Variants in MSI2 observed in about 807,000 individuals in gnomAD.
The protein encoded by MSI2 is musashi RNA binding protein 2, also known as RNA-binding protein Musashi homolog 2.
Under a neutral mutation model 45.6 loss-of-function variants are expected in MSI2, and 17 were observed. The observed-to-expected ratio is 0.37, with a 90% CI of 0.26 to 0.56. The LOEUF (loss-of-function observed/expected upper bound fraction) is 0.56. Among genes scored for constraint, MSI2 ranks in the 20% least tolerant of loss-of-function variants. MSI2 has a pLI of 0.77. For synonymous variants in MSI2, 156 were observed against 158.2 expected, an observed-to-expected ratio of 0.99 and a Z score of 0.11; for missense variants, 293 against 444.2, an observed-to-expected ratio of 0.66 and a Z score of 3.06.
At chr17:57,434,695 A>G (rs2084659912) in intron 6 of MSI2, among the ~76,000 whole-genome samples, 1 of 152,116 alleles carries the variant, frequency 6.6e-6, no homozygotes, top group Non-Finnish European at 1.5e-5. Context: ...ACTTAGGATA[A>G]TGTCCTCTAG....
intron 7 of MSI2, among the ~76,000 whole-genome samples, chr17:57,542,132 G>GA (rs2144130487): frequency 6.6e-6 from 1 of 152,198 alleles, no homozygotes; most frequent in East Asian, 1.9e-4. Context: ...TCTCTCACCA[G>GA]CCCTGGGCTC....
intron 6 of MSI2, among the ~76,000 whole-genome samples, chr17:57,422,661 C>T (rs527969243): frequency 1.1e-4 from 16 of 152,344 alleles, no homozygotes; most frequent in African/African-American, 2.4e-4. Flanking sequence ...TCATTGTCAC[C>T]GCTAACCCTG....
At chr17:57,310,111 C>G (rs1401393202) in intron 5 of MSI2, among the ~76,000 whole-genome samples, 2 of 152,216 alleles carry the variant, frequency 1.3e-5, no homozygotes, top group Non-Finnish European at 2.9e-5. Context: ...ACTGTATTCT[C>G]CCTCTTTCCG....
chr17:57,484,854 C>T (rs955559897), intron 6 of MSI2, among the ~76,000 whole-genome samples: 4 of 152,216 alleles, frequency 2.6e-5, no homozygotes, highest in Non-Finnish European at 4.4e-5. Flanking sequence ...TACCTGTGCT[C>T]GAAGACCCAA....
chr17:57,513,106 C>T lies in MSI2; in HGVS notation c.406-16570C>T, dbSNP rs539457670. ...CTCCTACCTAAGCCTCCTGAGTAGC[C>T]GGAATTACAGGTGCCCGCCACCACT... On this transcript the variant is annotated intron_variant, in intron 6 of 13. Transcript: ENST00000284073. Among the ~76,000 whole-genome samples the T allele has an allele frequency of 4.6e-5, 7 of 151,454 alleles. No homozygotes were observed. The East Asian group carries it at 7.8e-4, about 17-fold the overall frequency.
At chr17:57,635,126 C>T (rs1449074872) in intron 10 of MSI2, among the ~76,000 whole-genome samples, 1 of 152,238 alleles carries the variant, frequency 6.6e-6, no homozygotes. Flanking sequence ...AGAGAGGAAA[C>T]ATTGCAGGTC....
rs1200777894 is a variant in MSI2, at chr17:57,563,781, CACAT to C, written c.455-33085_455-33082del. On this transcript the variant is annotated intron_variant, in intron 7 of 13. Transcript: ENST00000284073. ...ACACACACACACACACACACACACA[CACAT>C]AGGCCTCTGTACAGATGGACCCTGC... Among the ~76,000 whole-genome samples, 815 of 148,510 alleles carry C rather than the reference CACAT, an allele frequency of 5.5e-3. 10 individuals are homozygous for C. Among genetic ancestry groups the C allele is most frequent in the African/African-American group, 0.019 (724 of 38,608 alleles).
intron 6 of MSI2, among the ~76,000 whole-genome samples, chr17:57,470,085 A>G (rs1042939306): frequency 1.3e-5 from 2 of 152,082 alleles, no homozygotes; most frequent in Admixed American, 1.3e-4. Flanking sequence ...CCCCACCCCA[A>G]GGCTGACTGC....
intron 7 of MSI2, among the ~76,000 whole-genome samples, chr17:57,533,641 AG>A (rs1227191749): frequency 1.3e-5 from 2 of 152,178 alleles, no homozygotes; most frequent in Admixed American, 6.5e-5. Context: ...AAGCAACTCT[AG>A]GAAGGGATTA....
chr17:57,698,080 C>T, the MSI2 span, among the ~76,000 whole-genome samples: 175 of 152,284 alleles, frequency 1.1e-3, 1 homozygote, highest in Non-Finnish European at 2.1e-3. Context: ...GACACCCTCT[C>T]AGCAGGATTC....
intron 6 of MSI2, among the ~76,000 whole-genome samples, chr17:57,502,636 T>TATATATATATATAGAGAGAG: frequency 9.3e-5 from 9 of 96,900 alleles, no homozygotes; most frequent in Non-Finnish European, 1.9e-4. Flanking sequence ...TATATATATA[T>TATATATATATATAGAGAGAG]AGTCATCATT....
intron 11 of MSI2, among the ~76,000 whole-genome samples, chr17:57,653,502 G>A (rs958857795): frequency 6.6e-6 from 1 of 152,162 alleles, no homozygotes; most frequent in Non-Finnish European, 1.5e-5. Context: ...CGGGCCCCGG[G>A]GGCGGGGTGC....
chr17:57,623,169 C>T (rs914941286), intron 9 of MSI2, among the ~76,000 whole-genome samples: 2 of 152,188 alleles, frequency 1.3e-5, no homozygotes, highest in Admixed American at 6.5e-5. Flanking sequence ...ACTCTTGGCA[C>T]TTGGTGTTTA....
At chr17:57,677,117 C>T in intron 13 of MSI2, 58 bp downstream of exon 13, 1 of 1,197,290 alleles carries the variant, frequency 8.4e-7, no homozygotes, top group Non-Finnish European at 1.3e-6. Flanking sequence ...CATGTATGTC[C>T]ACAGGTCATA....
intron 5 of MSI2, among the ~76,000 whole-genome samples, chr17:57,345,002 G>T (rs1294320893): frequency 6.6e-6 from 1 of 152,154 alleles, no homozygotes; most frequent in African/African-American, 2.4e-5. Context: ...GGTGGAGCTT[G>T]CAGTGAGCCG....
chr17:57,401,603 A>G, intron 6 of MSI2, 132 bp downstream of exon 6: 2 of 674,822 alleles, frequency 3.0e-6, no homozygotes, highest in Non-Finnish European at 5.2e-6. Flanking sequence ...GGCCATCATG[A>G]TTTAAGTGAA....
chr17:57,693,950 T>C, the MSI2 span, among the ~76,000 whole-genome samples: 3 of 152,230 alleles, frequency 2.0e-5, no homozygotes, highest in African/African-American at 7.2e-5. Context: ...ATGTGTCAAA[T>C]GGATATCAAA....
At chr17:57,378,706 T>C (rs945957462) in intron 5 of MSI2, among the ~76,000 whole-genome samples, 2 of 152,194 alleles carry the variant, frequency 1.3e-5, no homozygotes, top group African/African-American at 2.4e-5. Context: ...CCATTTCTTG[T>C]TTATCTTCTT....
chr17:57,470,515 C>T (rs144245256), intron 6 of MSI2, among the ~76,000 whole-genome samples: 468 of 152,290 alleles, frequency 3.1e-3, no homozygotes, highest in African/African-American at 0.011. Context: ...TGACCTCAGG[C>T]GATCTGCCCT....
Sources: allele counts gnomAD v4.1 joint callset (sites outside exome capture counted in the v4.1 genomes callset), GRCh38; gene constraint gnomAD v4.1.1; transcripts MANE v1.5; gene names NCBI Gene and HGNC (gene_info 2026-07-23, HGNC 2026-07-21).